Variants in KIF1A observed in about 807,000 individuals in gnomAD.
The protein encoded by KIF1A is kinesin-like protein KIF1A.
In KIF1A, 46 loss-of-function variants were observed where a neutral mutation model predicts 227.3. The ratio of observed to expected loss-of-function variants is 0.20; its 90% CI spans 0.16 to 0.26. KIF1A has a LOEUF of 0.26. KIF1A is among the 10% of genes least tolerant of loss of function. KIF1A has a pLI of 1.00. For missense variants in KIF1A, 1,683 were observed against 2,485.9 expected (o/e 0.68, Z 6.87); for synonymous variants, 1,022 against 1,012.8 (o/e 1.01, Z -0.17).
rs1256685120 is a variant in KIF1A at position 240,766,113 on chromosome 2, T to C, written c.1685-320A>G. On this transcript the variant is annotated intron_variant, in intron 19 of 48. Coordinates refer to ENST00000498729, the MANE Select transcript of KIF1A (RefSeq NM_001244008.2). The surrounding 1 kb of genome is among the most constrained non-coding windows in gnomAD (Gnocchi z 5.0). The stretch of plus-strand genomic sequence containing the variant: ...GGACAAGGATAAAAACACCAGCTAA[T>C]GGGGCCTGGGCCGTCCCACAGGAGA... Among the ~76,000 whole-genome samples, 2 of 152,322 alleles carry C rather than the reference T, an allele frequency of 1.3e-5. No individual in the cohort carries two copies. Among genetic ancestry groups the C allele is most frequent in the East Asian group, 1.9e-4 (1 of 5,182 alleles).
chr2:240,755,991 A>T (rs2049800187), intron 27 of KIF1A, among the ~76,000 whole-genome samples: 2 of 152,146 alleles, frequency 1.3e-5, no homozygotes, highest in Non-Finnish European at 1.5e-5. Flanking sequence ...ACAGGTTTTT[A>T]TCTGGTAGGC....
rs374161375 is a variant in KIF1A, at chr2:240,751,379, C to T, written c.2859-832G>A. ...CATGACCTCCAGCATGGGAAAGGGC[C>T]GTGCCTGGGGCCCTCGATTCCAGAG... is the stretch of plus-strand genomic sequence containing the variant. On this transcript the variant is annotated intron_variant, in intron 27 of 48. Coordinates refer to ENST00000498729, the MANE Select transcript of KIF1A (RefSeq NM_001244008.2). 4.6e-5 allele frequency among the ~76,000 whole-genome samples: 7 copies of T among 152,276 alleles called. No homozygotes were observed. The South Asian group carries it at 1.5e-3, about 32-fold the overall frequency.
chr2:240,754,020 T>C (rs941564379), intron 27 of KIF1A, among the ~76,000 whole-genome samples: 3 of 152,188 alleles, frequency 2.0e-5, no homozygotes, highest in Non-Finnish European at 2.9e-5. Context: ...CACAGCTGAT[T>C]GATTAAGCAG....
chr2:240,746,878 G>T (rs1370238924), intron 29 of KIF1A, among the ~76,000 whole-genome samples: 1 of 152,214 alleles, frequency 6.6e-6, no homozygotes, highest in African/African-American at 2.4e-5. Context: ...GTGGGAACGC[G>T]CCGTACTGTG....
chr2:240,753,390 G>A (rs368084179), intron 27 of KIF1A, among the ~76,000 whole-genome samples: 3 of 152,218 alleles, frequency 2.0e-5, no homozygotes, highest in African/African-American at 4.8e-5. Context: ...CTGAACAAAC[G>A]CTGTGTGGAA....
chr2:240,815,271 G>C (rs1484778535), intron 1 of KIF1A, among the ~76,000 whole-genome samples: 1 of 152,214 alleles, frequency 6.6e-6, no homozygotes, highest in Admixed American at 6.5e-5. Context: ...CCTGGCTTGA[G>C]CTGATGACAG....
chr2:240,734,565 G>A (rs959726092), intron 38 of KIF1A, among the ~76,000 whole-genome samples: 14 of 152,172 alleles, frequency 9.2e-5, no homozygotes, highest in South Asian at 2.1e-4. Flanking sequence ...GAAAGAAGAC[G>A]GGAGGAACAG....
chr2:240,743,912 G>T, intron 33 of KIF1A, 30 bp downstream of exon 33: 1 of 1,439,258 alleles, frequency 6.9e-7, no homozygotes, highest in Non-Finnish European at 9.8e-7. Context: ...GAGGACAGCA[G>T]CCCCGAACCC....
chr2:240,725,461 CT>C lies in KIF1A; in HGVS notation c.4123-58del. On this transcript the variant is annotated intron_variant, in intron 39 of 48. Transcript: ENST00000498729. This position sits in a 1 kb window ranked among gnomAD's most constrained non-coding sequence, Gnocchi z 5.8. ...AGGACACCCCGAGTGCCCAGGTGCC[CT>C]TCCAGCCTTCTCCTGGGGGCACAAT... is the stretch of plus-strand genomic sequence containing the variant. 3 of 1,582,580 alleles carry C rather than the reference CT, an allele frequency of 1.9e-6. No individual in the cohort carries two copies. Among genetic ancestry groups the C allele is most frequent in the South Asian group, 2.3e-5 (2 of 88,202 alleles).
In KIF1A at chr2:240,725,180, T is replaced by G. The variant is rs1575525089; in HGVS notation, c.4256+91A>C. On this transcript the variant is annotated intron_variant, in intron 40 of 48. Coordinates refer to ENST00000498729, the MANE Select transcript of KIF1A (RefSeq NM_001244008.2). The surrounding 1 kb of genome is among the most constrained non-coding windows in gnomAD (Gnocchi z 5.8). ...GCCTCGCACAGGGTGAGCTGCCGGG[T>G]GGCCCAAGGACCGCTGCCAGGCAGA... 1 of 1,387,434 alleles carries G rather than the reference T, an allele frequency of 7.2e-7. No homozygotes were observed. Among genetic ancestry groups the G allele is most frequent in the Non-Finnish European group, 9.8e-7 (1 of 1,017,084 alleles). The allele number at this position is 1,387,434 out of a possible 1,614,324, so 85.9% of individuals were successfully genotyped here. A position where few individuals can be genotyped will look rare whatever the true frequency, so the allele number is the denominator to read the frequency against.
At chr2:240,729,511 G>C (rs62187816) in intron 38 of KIF1A, among the ~76,000 whole-genome samples, 3,641 of 152,296 alleles carry the variant, frequency 0.024, 70 homozygotes, top group Non-Finnish European at 0.039. Context: ...CCCTGAGTGG[G>C]ACACAGCAAA....
rs957707690 is a variant in KIF1A at position 240,766,578 on chromosome 2, C to T, written c.1684+337G>A. Reference sequence around the variant, plus strand: ...CTTCCCGGCCAGCAGCCCACCTGTGCCCCCACCTCCAGCCCTCAAGGAGGC... The same window carrying T: ...CTTCCCGGCCAGCAGCCCACCTGTGTCCCCACCTCCAGCCCTCAAGGAGGC... On this transcript the variant is annotated intron_variant, in intron 19 of 48. Coordinates refer to ENST00000498729, the MANE Select transcript of KIF1A (RefSeq NM_001244008.2). This position sits in a 1 kb window ranked among gnomAD's most constrained non-coding sequence, Gnocchi z 5.0. Among the ~76,000 whole-genome samples, 1 of 152,154 alleles carries T rather than the reference C, an allele frequency of 6.6e-6. No individual in the cohort carries two copies. The highest frequency in any genetic ancestry group is 1.5e-5 in the Non-Finnish European group (1 of 68,022).
intron 38 of KIF1A, chr2:240,734,742 C>T: frequency 1.5e-6 from 2 of 1,304,778 alleles, no homozygotes; most frequent in Non-Finnish European, 2.0e-6. Context: ...AATCAAGAAA[C>T]TGCCTGCAAA....
At chr2:240,815,024 G>A (rs538962556) in intron 1 of KIF1A, among the ~76,000 whole-genome samples, 13 of 152,348 alleles carry the variant, frequency 8.5e-5, no homozygotes, top group African/African-American at 1.9e-4. Flanking sequence ...GGCCGTAAGC[G>A]TGCTCCTCTG....
At chr2:240,819,493 A>C (rs2058570123) in intron 1 of KIF1A, among the ~76,000 whole-genome samples, 1 of 152,074 alleles carries the variant, frequency 6.6e-6, no homozygotes, top group Admixed American at 6.5e-5. Flanking sequence ...GCGGGTGGCC[A>C]GGCCCCAACG....
At position 240,717,049 on chromosome 2, in the gene KIF1A, TAA is replaced by T. The variant is rs2044653069; in HGVS notation, c.*313_*314del. The T allele has an allele frequency of 5.3e-6, 2 of 376,706 alleles. No homozygotes were observed. Among genetic ancestry groups the T allele is most frequent in the Non-Finnish European group, 9.6e-6 (2 of 209,184 alleles). 23.3% of individuals were successfully genotyped at this position (376,706 alleles called of 1,614,324 possible). The stretch of plus-strand genomic sequence containing the variant: ...GTCACTAACTAACGTATATTAATTA[TAA>T]GTCTGTCTATGCTTAAAAAAATATT... On this transcript the variant is annotated 3_prime_UTR_variant, in exon 49 of 49. Transcript: ENST00000498729.
At chr2:240,750,645 G>C (rs970975213) in intron 27 of KIF1A, 98 bp from the exon 28 acceptor site, 4 of 895,932 alleles carry the variant, frequency 4.5e-6, no homozygotes, top group Non-Finnish European at 5.3e-6. Context: ...ACAACATGGA[G>C]CTGCAAAGCA....
rs1303752142 is a variant in KIF1A, at chr2:240,745,904, G to A, written c.3208C>T (p.Pro1070Ser). ...CTGTCTAGGAGGAGGCCTTCTGGGG[G>A]CACTGCTGCTGGGAGTCAAGGAGAG... The part of the protein sequence containing the change: ...EVNNNTCSAV[P>S]PEGLLLDSSE... The change falls in exon 31 of 49, where the codon CCC becomes TCC. Residue 1070 changes from proline (P) to serine (S), a missense_variant. Transcript: ENST00000498729. 1.9e-6 allele frequency: 3 copies of A among 1,602,034 alleles called. No homozygotes were observed. The highest frequency in any genetic ancestry group is 1.7e-6 in the Non-Finnish European group (2 of 1,172,674).
At chr2:240,755,140 C>T (rs1038751726) in intron 27 of KIF1A, among the ~76,000 whole-genome samples, 1 of 152,232 alleles carries the variant, frequency 6.6e-6, no homozygotes, top group Non-Finnish European at 1.5e-5. Flanking sequence ...ACCAACCCAC[C>T]TGCCTCCCCA....
Sources: gnomAD v4.1 joint callset for allele counts (sites outside exome capture counted in the v4.1 genomes callset) on GRCh38, gnomAD v4.1.1 for gene constraint, Gnocchi (gnomAD v3.1) non-coding constraint, MANE v1.5 for transcripts, NCBI Gene and HGNC (gene_info 2026-07-23, HGNC 2026-07-21) for gene names.